Variants in MTA3 observed in about 807,000 individuals in gnomAD.
MTA3 encodes the protein metastasis-associated protein MTA3.
Under a neutral mutation model 83.5 loss-of-function variants are expected in MTA3, and 34 were observed. The observed-to-expected ratio is 0.41, with a 90% CI of 0.31 to 0.54. The LOEUF is 0.54. Among genes scored for constraint, MTA3 ranks in the 20% least tolerant of loss-of-function variants. The probability of loss-of-function intolerance (pLI) is 0.33; values close to 1 mark genes in which losing one functional copy is unlikely to be tolerated. For synonymous variants in MTA3, 303 were observed against 252.7 expected, an observed-to-expected ratio of 1.20 and a Z score of -1.89; for missense variants, 761 against 726.4, an observed-to-expected ratio of 1.05 and a Z score of -0.55.
At chr2:42,680,587 C>T (rs1691792738) in intron 8 of MTA3, among the ~76,000 whole-genome samples, 1 of 152,152 alleles carries the variant, frequency 6.6e-6, no homozygotes, top group Admixed American at 6.5e-5. Context: ...CTTTGCAGCA[C>T]CCATGTGCTA....
At chr2:42,743,607 A>G (rs1558637266) in intron 16 of MTA3, among the ~76,000 whole-genome samples, 1 of 152,206 alleles carries the variant, frequency 6.6e-6, no homozygotes, top group South Asian at 2.1e-4. Context: ...TATTTTCTGC[A>G]TTGAGTAATA....
chr2:42,579,428 TA>T lies in MTA3; in HGVS notation c.190+229del, dbSNP rs1344048492. On this transcript the variant is annotated intron_variant, in intron 3 of 16. Coordinates refer to ENST00000405094, the MANE Select transcript of MTA3 (RefSeq NM_001330442.2). The stretch of plus-strand genomic sequence containing the variant: ...GTAATTTTATATCTATATATATATA[TA>T]TTTTTTTTTTTTTCCGGAGACAAAG... Among the ~76,000 whole-genome samples the T allele has an allele frequency of 1.5e-3, 96 of 62,658 alleles. 1 individual carries two copies. Among genetic ancestry groups the T allele is most frequent in the African/African-American group, 5.5e-3 (89 of 16,224 alleles). The allele number at this position is 62,658 out of a possible 152,430, so 41.1% of individuals were successfully genotyped here.
rs561555307 is a variant in MTA3, at chr2:42,529,345, T to C, written c.-141+34091T>C. ...TCGCAGGGCAGTGTTTGAAGACCAC[T>C]GTTCTAGACCAAAGGAATTGGCACA... On this transcript the variant is annotated intron_variant, in intron 2 of 17. Transcript: ENST00000405592. Among the ~76,000 whole-genome samples the C allele has an allele frequency of 4.6e-5, 7 of 152,262 alleles. No individual in the cohort carries two copies. In the South Asian group the frequency reaches 1.5e-3, roughly 32 times the overall value.
chr2:42,645,450 C>T lies in MTA3; in HGVS notation c.499+1206C>T, dbSNP rs1019456637. ...TGAGGCAAGAGAATCCTTTGAACCT[C>T]GGAGGCAGAGGTTGGAGTGAGCCAA... is the stretch of plus-strand genomic sequence containing the variant. On this transcript the variant is annotated intron_variant, in intron 6 of 16. Coordinates refer to ENST00000405094, the MANE Select transcript of MTA3 (RefSeq NM_001330442.2). 9.9e-5 allele frequency among the ~76,000 whole-genome samples: 15 copies of T among 152,112 alleles called. No homozygotes were observed. The East Asian group carries it at 1.7e-3, about 18-fold the overall frequency.
At chr2:42,497,741 C>T (rs1178882832) in intron 2 of MTA3, among the ~76,000 whole-genome samples, 1 of 152,108 alleles carries the variant, frequency 6.6e-6, no homozygotes, top group Non-Finnish European at 1.5e-5. Context: ...ATACCTACAT[C>T]CAAAGGGGTA....
intron 2 of MTA3, among the ~76,000 whole-genome samples, chr2:42,541,250 C>T (rs991859843): frequency 2.0e-5 from 3 of 152,148 alleles, no homozygotes; most frequent in South Asian, 2.1e-4. Flanking sequence ...AGGCTGGTCT[C>T]GAACTCCCGA....
chr2:42,562,593 C>T (rs550225123), intron 2 of MTA3, among the ~76,000 whole-genome samples: 3 of 152,146 alleles, frequency 2.0e-5, no homozygotes, highest in Admixed American at 2.0e-4. Flanking sequence ...GTGGCTCTGC[C>T]CACACTCTGC....
At chr2:42,592,021 T>TG (rs947967363) in intron 3 of MTA3, among the ~76,000 whole-genome samples, 4 of 150,046 alleles carry the variant, frequency 2.7e-5, no homozygotes, top group Admixed American at 6.7e-5. Context: ...CCCAGCACTT[T>TG]GGGGGGCTGA....
At chr2:42,541,041 T>C (rs1184834002) in intron 2 of MTA3, among the ~76,000 whole-genome samples, 1 of 151,740 alleles carries the variant, frequency 6.6e-6, no homozygotes, top group Non-Finnish European at 1.5e-5. Flanking sequence ...ATTTTTTTTT[T>C]TTTTTTTGAG....
At chr2:42,716,499 A>G (rs1667041564) in intron 14 of MTA3, among the ~76,000 whole-genome samples, 3 of 152,104 alleles carry the variant, frequency 2.0e-5, no homozygotes, top group Admixed American at 2.0e-4. Context: ...ACCCTCCAAT[A>G]GGCCCCAGTG....
intron 4 of MTA3, among the ~76,000 whole-genome samples, chr2:42,624,660 C>A (rs1032804498): frequency 4.6e-5 from 7 of 152,120 alleles, no homozygotes; most frequent in African/African-American, 1.7e-4. Flanking sequence ...TAACTTATAG[C>A]AGAGCTTCTC....
intron 3 of MTA3, among the ~76,000 whole-genome samples, chr2:42,594,728 A>ATATATATATATATATATATATATT: frequency 4.2e-5 from 1 of 24,044 alleles, no homozygotes; most frequent in African/African-American, 2.2e-4. Context: ...ATATATATAT[A>ATATATATATATATATATATATATT]TTTTTTTTTT....
At chr2:42,502,520 C>T (rs998264043) in intron 2 of MTA3, among the ~76,000 whole-genome samples, 14 of 152,042 alleles carry the variant, frequency 9.2e-5, no homozygotes, top group African/African-American at 2.9e-4. Flanking sequence ...CCAATCCAGC[C>T]GGGTGCGGCG....
At chr2:42,564,922 G>A (rs950102419), upstream of MTA3, among the ~76,000 whole-genome samples, 5 of 152,170 alleles carry the variant, frequency 3.3e-5, no homozygotes, top group South Asian at 4.2e-4. Flanking sequence ...GACTACAGGC[G>A]CTTGCCACCA....
Position 42,708,899 on chromosome 2 carries a change from C to G in MTA3, c.1328C>G (p.Ser443Cys), listed in dbSNP as rs1280322856. ...GACCCTCGTGTTAGAAGTCACGTGT[C>G]CCGCCAGGCCATGCAGGGAATGCCA... Reference protein sequence around the residue: ...TEDPRVRSHVSRQAMQGMPVR... With the variant: ...TEDPRVRSHVCRQAMQGMPVR... Residue 443 changes from serine (S) to cysteine (C), a missense_variant, in exon 14 of 17, where the codon TCC becomes TGC. Transcript: ENST00000405094. 6.2e-7 allele frequency: 1 copy of G among 1,613,950 alleles called. No individual in the cohort carries two copies.
At chr2:42,673,145 C>A (rs573440784) in intron 8 of MTA3, among the ~76,000 whole-genome samples, 16 of 151,880 alleles carry the variant, frequency 1.1e-4, no homozygotes, top group Middle Eastern at 3.4e-3. Flanking sequence ...TGAGCCACCA[C>A]ACCAGACCAG....
At chr2:42,583,620 C>G (rs1215197916) in intron 3 of MTA3, among the ~76,000 whole-genome samples, 5 of 151,966 alleles carry the variant, frequency 3.3e-5, no homozygotes, top group African/African-American at 1.2e-4. Context: ...TGCAGCCTTC[C>G]CTGGTTCAAG....
intron 3 of MTA3, among the ~76,000 whole-genome samples, chr2:42,596,842 C>T (rs779024745): frequency 1.3e-5 from 2 of 151,626 alleles, no homozygotes; most frequent in African/African-American, 2.4e-5. Flanking sequence ...TTTTTGCTGT[C>T]TGTGGACTTA....
intron 4 of MTA3, among the ~76,000 whole-genome samples, chr2:42,639,106 G>A (rs1687467271): frequency 6.7e-6 from 1 of 150,176 alleles, no homozygotes; most frequent in African/African-American, 2.5e-5. Context: ...TGTCGCCCGG[G>A]CTGGAGTGCA....
Sources: allele counts gnomAD v4.1 joint callset (sites outside exome capture counted in the v4.1 genomes callset), GRCh38; gene constraint gnomAD v4.1.1; transcripts MANE v1.5; gene names NCBI Gene and HGNC (gene_info 2026-07-23, HGNC 2026-07-21).